TMEM232: variants seen among roughly 807,000 people sequenced by gnomAD.
The protein encoded by TMEM232 is transmembrane protein 232.
TMEM232 carries 80 observed loss-of-function variants against 78.8 expected under a neutral mutation model. That is an observed-to-expected ratio of 1.01 (90% CI 0.85 to 1.22). The LOEUF (loss-of-function observed/expected upper bound fraction) is 1.22, where lower values mean the gene tolerates loss of function less well. TMEM232 is among the 50% of genes most tolerant of loss of function. The pLI, the probability that TMEM232 is intolerant of heterozygous loss-of-function variation, is 0.00. For missense variants in TMEM232, 881 were observed against 742.2 expected, an observed-to-expected ratio of 1.19 and a Z score of -2.17; for synonymous variants, 297 against 254.3, an observed-to-expected ratio of 1.17 and a Z score of -1.60.
At chr5:110,405,158 TA>T (rs1324437464) in intron 2 of TMEM232, among the ~76,000 whole-genome samples, 2 of 151,920 alleles carry the variant, frequency 1.3e-5, no homozygotes. Flanking sequence ...TAAAGCAAGA[TA>T]AAAAAGAGAC....
chr5:110,652,541 G>A (rs987636804), intron 2 of TMEM232, among the ~76,000 whole-genome samples: 1 of 152,062 alleles, frequency 6.6e-6, no homozygotes. Context: ...ATTATGGCTT[G>A]TAATACATCA....
chr5:110,692,585 T>C (rs1457888280), intron 1 of TMEM232, among the ~76,000 whole-genome samples: 1 of 152,134 alleles, frequency 6.6e-6, no homozygotes, highest in African/African-American at 2.4e-5. Context: ...ACATGGAATA[T>C]CGGGTCACTC....
intron 12 of TMEM232, among the ~76,000 whole-genome samples, chr5:110,527,222 G>A (rs1770731811): frequency 6.6e-6 from 1 of 151,826 alleles, no homozygotes; most frequent in African/African-American, 2.4e-5. Context: ...TTAAAGTGGA[G>A]AGATCATACA....
chr5:110,720,511 C>T (rs12651953), intron 1 of TMEM232: 2 of 152,074 alleles, frequency 1.3e-5, no homozygotes, highest in East Asian at 3.9e-4. Context: ...CACATCTGCA[C>T]AAAGTTCAGC....
At chr5:110,503,312 T>C (rs550272826) in intron 12 of TMEM232, among the ~76,000 whole-genome samples, 2 of 152,320 alleles carry the variant, frequency 1.3e-5, no homozygotes, top group Admixed American at 6.5e-5. Flanking sequence ...ATATAGGTGA[T>C]ATAGAGTCAA....
intron 10 of TMEM232, among the ~76,000 whole-genome samples, chr5:110,592,096 A>G (rs766428576): frequency 2.0e-5 from 3 of 152,248 alleles, no homozygotes; most frequent in Non-Finnish European, 2.9e-5. Context: ...ACATCAGTAC[A>G]GTTTTCAATT....
At chr5:110,490,791 G>C (rs1459363583) in intron 12 of TMEM232, among the ~76,000 whole-genome samples, 1 of 152,026 alleles carries the variant, frequency 6.6e-6, no homozygotes, top group Non-Finnish European at 1.5e-5. Flanking sequence ...AAATGAATGT[G>C]GACTCTTATC....
At chr5:110,441,314 T>A (rs879710762) in intron 12 of TMEM232, among the ~76,000 whole-genome samples, 21 of 152,146 alleles carry the variant, frequency 1.4e-4, no homozygotes, top group Non-Finnish European at 2.8e-4. Context: ...TACCCATGGT[T>A]GAGAAGCACT....
intron 11 of TMEM232, among the ~76,000 whole-genome samples, chr5:110,545,389 G>C (rs543281659): frequency 6.6e-6 from 1 of 151,944 alleles, no homozygotes; most frequent in Admixed American, 6.6e-5. Context: ...GCATGATAAA[G>C]GCACTACAAA....
chr5:110,667,206 C>G lies in TMEM232; in HGVS notation c.125+22G>C, dbSNP rs1009134823. On this transcript the variant is annotated intron_variant, in intron 2 of 13. Coordinates refer to ENST00000455884, the MANE Select transcript of TMEM232 (RefSeq NM_001039763.4). ...AAATTCTCTACAATACATATGGGTC[C>G]TATAATTATTTTCTAGCTTACCTTG... is the stretch of plus-strand genomic sequence containing the variant. The G allele has an allele frequency of 2.6e-6, 4 of 1,523,952 alleles. No individual in the cohort carries two copies. The African/African-American group carries it at 5.6e-5, about 21-fold the overall frequency. 94.4% of individuals were successfully genotyped at this position (1,523,952 alleles called of 1,614,324 possible). A position where few individuals can be genotyped will look rare whatever the true frequency, so the allele number is the denominator to read the frequency against.
intron 3 of TMEM232, among the ~76,000 whole-genome samples, 183 bp downstream of exon 3, chr5:110,642,077 C>A (rs866446429): frequency 6.6e-6 from 1 of 151,960 alleles, no homozygotes; most frequent in African/African-American, 2.4e-5. Flanking sequence ...CAAAAATTTA[C>A]AGGGAGCTTT....
intron 3 of TMEM232, among the ~76,000 whole-genome samples, chr5:110,395,139 C>T (rs1057396954): frequency 6.6e-6 from 1 of 152,128 alleles, no homozygotes; most frequent in East Asian, 1.9e-4. Context: ...TGCTGTTCCC[C>T]TCCCATTGCA....
chr5:110,495,189 A>C (rs961092623), intron 12 of TMEM232, among the ~76,000 whole-genome samples: 6 of 151,612 alleles, frequency 4.0e-5, no homozygotes, highest in Non-Finnish European at 5.9e-5. Flanking sequence ...GCAGCAAATA[A>C]AAGGAGAGAT....
chr5:110,429,222 C>A (rs942750752), intron 12 of TMEM232, among the ~76,000 whole-genome samples: 1 of 151,668 alleles, frequency 6.6e-6, no homozygotes, highest in Non-Finnish European at 1.5e-5. Flanking sequence ...GGGGAGCTGG[C>A]ATCATTTAAC....
Position 110,667,340 on chromosome 5 carries a change from C to G in TMEM232, c.13G>C (p.Val5Leu). 6.6e-7 allele frequency: 1 copy of G among 1,511,650 alleles called. No homozygotes were observed. Among genetic ancestry groups the G allele is most frequent in the South Asian group, 1.3e-5 (1 of 78,064 alleles). The allele number at this position is 1,511,650 out of a possible 1,614,324, so 93.6% of individuals were successfully genotyped here. A position where few individuals can be genotyped will look rare whatever the true frequency, so the allele number is the denominator to read the frequency against. MNMPVNKSPMINTCG... is the reference protein window; with the variant it reads MNMPLNKSPMINTCG... ...GTATTAATCATAGGTGATTTGTTAACAGGCATATTCATAAATCATAAATTC... is the reference window on the plus strand; with the variant it reads ...GTATTAATCATAGGTGATTTGTTAAGAGGCATATTCATAAATCATAAATTC... The change falls in exon 2 of 14, where the codon GTT becomes CTT. Residue 5 changes from valine (V) to leucine (L), a missense_variant. Transcript: ENST00000455884.
intron 10 of TMEM232, among the ~76,000 whole-genome samples, chr5:110,580,786 G>C (rs1778117878): frequency 6.6e-6 from 1 of 151,064 alleles, no homozygotes; most frequent in Non-Finnish European, 1.5e-5. Context: ...TCACTTAATA[G>C]GTCACAATGA....
intron 12 of TMEM232, among the ~76,000 whole-genome samples, chr5:110,512,499 C>T (rs1767928550): frequency 1.3e-5 from 2 of 152,116 alleles, no homozygotes; most frequent in East Asian, 1.9e-4. Flanking sequence ...AGGAACACAT[C>T]ACCTCTATTA....
chr5:110,717,356 T>C (rs541020588), intron 1 of TMEM232, among the ~76,000 whole-genome samples: 2 of 152,148 alleles, frequency 1.3e-5, no homozygotes, highest in Non-Finnish European at 2.9e-5. Flanking sequence ...TGACGCCATT[T>C]ACTCTGTTGC....
chr5:110,525,430 A>G (rs1377470403), intron 12 of TMEM232, among the ~76,000 whole-genome samples: 1 of 151,946 alleles, frequency 6.6e-6, no homozygotes, highest in Non-Finnish European at 1.5e-5. Flanking sequence ...CTACATTTGG[A>G]GCAAAAATTA....
Sources: gnomAD v4.1 joint callset for allele counts (sites outside exome capture counted in the v4.1 genomes callset) on GRCh38, gnomAD v4.1.1 for gene constraint, MANE v1.5 for transcripts, NCBI Gene and HGNC (gene_info 2026-07-23, HGNC 2026-07-21) for gene names.